ABLIM2: variants seen among roughly 807,000 people sequenced by gnomAD.
ABLIM2 encodes actin-binding LIM protein 2.
In ABLIM2, 53 loss-of-function variants were observed where a neutral mutation model predicts 97.7. The ratio of observed to expected loss-of-function variants is 0.54; its 90% CI spans 0.44 to 0.68. The LOEUF (loss-of-function observed/expected upper bound fraction) is 0.68, where lower values mean the gene tolerates loss of function less well. Among genes scored for constraint, ABLIM2 ranks in the 30% least tolerant of loss-of-function variants. The pLI, the probability that ABLIM2 is intolerant of heterozygous loss-of-function variation, is 0.00. For missense variants in ABLIM2, 835 were observed against 867.2 expected (o/e 0.96, Z 0.47); for synonymous variants, 361 against 345.8 (o/e 1.04, Z -0.49).
At chr4:7,967,153 G>A (rs1197015315) in intron 20 of ABLIM2, 50 bp from the exon 21 acceptor site, 1 of 1,485,712 alleles carries the variant, frequency 6.7e-7, no homozygotes. Flanking sequence ...ACGCAGCAAG[G>A]GACACCATTG....
At position 8,134,967 on chromosome 4, in the gene ABLIM2, G is replaced by A. The variant is rs569146252; in HGVS notation, c.10+23713C>T. On this transcript the variant is annotated intron_variant, in intron 1 of 20. Transcript: ENST00000447017. Reference sequence around the variant, plus strand: ...TCTGAAAGTACTTGGGAGCCAGTGCGTCCCATGCGCTTCTGATGGGCACAG... The same window carrying A: ...TCTGAAAGTACTTGGGAGCCAGTGCATCCCATGCGCTTCTGATGGGCACAG... Among the ~76,000 whole-genome samples, 10 of 152,334 alleles carry A rather than the reference G, an allele frequency of 6.6e-5. No individual in the cohort carries two copies. In the South Asian group the frequency reaches 8.3e-4, roughly 13 times the overall value.
chr4:8,050,384 C>T (rs1385101403), intron 8 of ABLIM2, among the ~76,000 whole-genome samples: 1 of 152,212 alleles, frequency 6.6e-6, no homozygotes, highest in African/African-American at 2.4e-5. Flanking sequence ...TGAGTGCTCC[C>T]TCCTCCCTAC....
At chr4:8,024,275 C>T (rs892614001) in intron 12 of ABLIM2, among the ~76,000 whole-genome samples, 8 of 152,150 alleles carry the variant, frequency 5.3e-5, no homozygotes, top group African/African-American at 1.9e-4. Flanking sequence ...TTCCTGCCCC[C>T]GCTGTCGGCT....
At chr4:8,079,769 T>TGG (rs1561228717) in intron 5 of ABLIM2, among the ~76,000 whole-genome samples, 1 of 152,188 alleles carries the variant, frequency 6.6e-6, no homozygotes, top group South Asian at 2.1e-4. Flanking sequence ...TGCGTGTGTG[T>TGG]GTGTGTGCGC....
chr4:7,998,950 C>A lies in ABLIM2; in HGVS notation c.1619-6023G>T, dbSNP rs919181850. On this transcript the variant is annotated intron_variant, in intron 16 of 20. Transcript: ENST00000447017. The surrounding 1 kb of genome is among the most constrained non-coding windows in gnomAD (Gnocchi z 6.4). The stretch of plus-strand genomic sequence containing the variant: ...GAGAGACGAGGCGACACTATCTCAC[C>A]CCCTGGACTGCTGTCTGGACTCCTG... Among the ~76,000 whole-genome samples the A allele has an allele frequency of 7.2e-5, 11 of 152,222 alleles. No homozygotes were observed. The highest frequency in any genetic ancestry group is 2.0e-4 in the Admixed American group (3 of 15,288).
At chr4:8,151,486 G>A (rs1040671789) in intron 1 of ABLIM2, among the ~76,000 whole-genome samples, 14 of 152,154 alleles carry the variant, frequency 9.2e-5, no homozygotes, top group African/African-American at 3.4e-4. Context: ...AGGCGGCAAG[G>A]CACCTCCCTC....
At chr4:8,086,946 T>C (rs1311653027) in intron 4 of ABLIM2, among the ~76,000 whole-genome samples, 1 of 151,858 alleles carries the variant, frequency 6.6e-6, no homozygotes, top group Non-Finnish European at 1.5e-5. Context: ...GTGAACTTCA[T>C]CCCAAGGGAT....
At chr4:8,088,354 T>A in intron 3 of ABLIM2, 70 bp from the exon 4 acceptor site, 2 of 1,266,792 alleles carry the variant, frequency 1.6e-6, no homozygotes, top group Non-Finnish European at 2.2e-6. Flanking sequence ...CCTGTCCCAG[T>A]GCAGGAGACC....
At position 8,127,786 on chromosome 4, in the gene ABLIM2, T is replaced by A. The variant is rs917520164; in HGVS notation, c.11-21149A>T. The stretch of plus-strand genomic sequence containing the variant: ...ACACTGAAATAGACTCCCGCCACAC[T>A]ATGCGCCAGAGACACACCTGTCTCC... On this transcript the variant is annotated intron_variant, in intron 1 of 20. Coordinates refer to ENST00000447017, the MANE Select transcript of ABLIM2 (RefSeq NM_001130083.2). The surrounding 1 kb of genome is among the most constrained non-coding windows in gnomAD (Gnocchi z 7.3). The A allele has an allele frequency of 4.4e-6, 4 of 899,948 alleles. No individual in the cohort carries two copies. The highest frequency in any genetic ancestry group is 5.3e-6 in the Non-Finnish European group (4 of 753,150). 55.7% of individuals were successfully genotyped at this position (899,948 alleles called of 1,614,324 possible).
intron 1 of ABLIM2, among the ~76,000 whole-genome samples, chr4:8,119,371 A>C (rs1437093657): frequency 8.0e-6 from 1 of 125,632 alleles, no homozygotes; most frequent in African/African-American, 3.1e-5. Flanking sequence ...TCTGTTGCCC[A>C]GGCTGGAGTG....
chr4:8,027,662 TCCGGTGAA>T, intron 12 of ABLIM2, 89 bp downstream of exon 12: 1 of 965,988 alleles, frequency 1.0e-6, no homozygotes, highest in South Asian at 2.2e-5. Flanking sequence ...AAACAGGGGC[TCCGGTGAA>T]GCCATGCGGC....
chr4:8,153,316 T>C (rs1713744777), intron 1 of ABLIM2, among the ~76,000 whole-genome samples: 1 of 152,190 alleles, frequency 6.6e-6, no homozygotes, highest in South Asian at 2.1e-4. Context: ...GACTTGATTC[T>C]ACAAAATATC....
intron 1 of ABLIM2, among the ~76,000 whole-genome samples, chr4:8,141,929 G>C (rs1003883636): frequency 6.6e-6 from 1 of 152,108 alleles, no homozygotes; most frequent in African/African-American, 2.4e-5. Context: ...GAGGGGGAGG[G>C]CCCCCCCAGC....
At chr4:8,135,773 G>A (rs560050516) in intron 1 of ABLIM2, among the ~76,000 whole-genome samples, 1 of 152,258 alleles carries the variant, frequency 6.6e-6, no homozygotes, top group East Asian at 1.9e-4. Context: ...CAGCCCGGAG[G>A]CCGGCAACAT....
rs1759598718 is a variant in ABLIM2 at position 8,004,336 on chromosome 4, C to T, written c.1618+3723G>A. Reference sequence around the variant, plus strand: ...GCCCCCAACTGGGGCCTCCCCTGTGCTGCTGCAGCAGTTAATTCAGAGCTT... The same window carrying T: ...GCCCCCAACTGGGGCCTCCCCTGTGTTGCTGCAGCAGTTAATTCAGAGCTT... On this transcript the variant is annotated intron_variant, in intron 16 of 20. Coordinates refer to ENST00000447017, the MANE Select transcript of ABLIM2 (RefSeq NM_001130083.2). This position sits in a 1 kb window ranked among gnomAD's most constrained non-coding sequence, Gnocchi z 5.9. Among the ~76,000 whole-genome samples, 1 of 152,158 alleles carries T rather than the reference C, an allele frequency of 6.6e-6. No homozygotes were observed. The highest frequency in any genetic ancestry group is 1.5e-5 in the Non-Finnish European group (1 of 68,032).
chr4:8,014,031 C>T (rs1410210629), intron 14 of ABLIM2, among the ~76,000 whole-genome samples: 3 of 152,232 alleles, frequency 2.0e-5, no homozygotes, highest in Non-Finnish European at 4.4e-5. Flanking sequence ...GGCTGTTCCA[C>T]CACTGTGCCA....
Position 8,125,963 on chromosome 4 carries a change from AG to A in ABLIM2, c.11-19327del, listed in dbSNP as rs1465023899. On this transcript the variant is annotated intron_variant, in intron 1 of 20. Transcript: ENST00000447017. This position sits in a 1 kb window ranked among gnomAD's most constrained non-coding sequence, Gnocchi z 6.2. ...CTTTTTTGGTTCACAACACCCTGGGAGGGGGAAGCCACACAGCCAACCCGCT... is the reference window on the plus strand; with the variant it reads ...CTTTTTTGGTTCACAACACCCTGGGAGGGGAAGCCACACAGCCAACCCGCT... 2.6e-5 allele frequency among the ~76,000 whole-genome samples: 4 copies of A among 152,066 alleles called. No individual in the cohort carries two copies. The highest frequency in any genetic ancestry group is 5.9e-5 in the Non-Finnish European group (4 of 67,984).
Position 7,971,130 on chromosome 4 carries a change from G to A in ABLIM2, c.1825-4027C>T, listed in dbSNP as rs566604274. On this transcript the variant is annotated intron_variant, in intron 20 of 20. Transcript: ENST00000447017. ...AGTCTCCACTGCCTCCTAGGTGAGA[G>A]GGGCTCAAAGGTCCTTACTCTGTGG... 2.6e-5 allele frequency among the ~76,000 whole-genome samples: 4 copies of A among 152,250 alleles called. No homozygotes were observed. The South Asian group carries it at 6.2e-4, about 24-fold the overall frequency.
chr4:8,055,613 G>A (rs994449601), intron 7 of ABLIM2, among the ~76,000 whole-genome samples: 13 of 152,222 alleles, frequency 8.5e-5, no homozygotes, highest in Admixed American at 7.9e-4. Context: ...CTAGCACATG[G>A]TAGGGGCTGA....
Sources: allele counts gnomAD v4.1 joint callset (sites outside exome capture counted in the v4.1 genomes callset), GRCh38; gene constraint gnomAD v4.1.1; non-coding constraint Gnocchi (gnomAD v3.1); transcripts MANE v1.5; gene names NCBI Gene and HGNC (gene_info 2026-07-23, HGNC 2026-07-21).